The following NRXN3 variants were observed in gnomAD, a reference collection of about 807,000 sequenced individuals.
NRXN3 encodes the protein neurexin III.
In NRXN3, 32 loss-of-function variants were observed where a neutral mutation model predicts 137.6. The ratio of observed to expected loss-of-function variants is 0.23; its 90% confidence interval spans 0.18 to 0.31. NRXN3 has a LOEUF of 0.31. Among genes scored for constraint, NRXN3 ranks in the 10% least tolerant of loss-of-function variants. The pLI is 1.00. For missense variants in NRXN3, 1,574 were observed against 2,062.5 expected (o/e 0.76, Z 4.59); for synonymous variants, 798 against 784.5 (o/e 1.02, Z -0.29).
intron 10 of NRXN3, among the ~76,000 whole-genome samples, chr14:78,819,747 G>A (rs1337333130): frequency 6.6e-6 from 1 of 152,148 alleles, no homozygotes; most frequent in Non-Finnish European, 1.5e-5. Context: ...AAGAGCAAAA[G>A]TTAATTTGAG....
intron 8 of NRXN3, among the ~76,000 whole-genome samples, chr14:78,747,448 AAAG>A (rs1391004809): frequency 6.6e-6 from 1 of 152,228 alleles, no homozygotes; most frequent in Non-Finnish European, 1.5e-5. Context: ...GTAAATAGTG[AAAG>A]AAGAGTGAGG....
chr14:79,470,551 CTG>C (rs2096486677), intron 16 of NRXN3, among the ~76,000 whole-genome samples: 1 of 152,168 alleles, frequency 6.6e-6, no homozygotes, highest in East Asian at 1.9e-4. Flanking sequence ...CCTCCCAACA[CTG>C]TGGCATCGGT....
chr14:78,349,725 A>G (rs1253806173), intron 4 of NRXN3, among the ~76,000 whole-genome samples: 2 of 152,200 alleles, frequency 1.3e-5, no homozygotes, highest in Non-Finnish European at 2.9e-5. Flanking sequence ...CAAGTGCTTC[A>G]TAGACACTCA....
chr14:78,204,180 G>A (rs2061965307), intron 1 of NRXN3, among the ~76,000 whole-genome samples: 1 of 151,938 alleles, frequency 6.6e-6, no homozygotes, highest in Non-Finnish European at 1.5e-5. Context: ...CAGAGTATAA[G>A]AATTAACATT....
intron 15 of NRXN3, among the ~76,000 whole-genome samples, chr14:79,429,106 G>C (rs1275246509): frequency 3.3e-5 from 5 of 152,100 alleles, no homozygotes; most frequent in African/African-American, 9.7e-5. Context: ...ACGCAACCTA[G>C]TTAGAGGTGA....
chr14:79,469,715 A>T (rs1338749254), intron 16 of NRXN3, among the ~76,000 whole-genome samples: 2 of 152,176 alleles, frequency 1.3e-5, no homozygotes, highest in Non-Finnish European at 2.9e-5. Flanking sequence ...TTCAGAAAAA[A>T]GGAAAAAAGG....
intron 15 of NRXN3, among the ~76,000 whole-genome samples, chr14:79,185,971 T>C (rs1367085439): frequency 6.6e-6 from 1 of 152,200 alleles, no homozygotes; most frequent in African/African-American, 2.4e-5. Context: ...GGAGTCAAAC[T>C]GTCTGGGTTG....
chr14:78,817,175 A>G (rs1467185043), intron 10 of NRXN3, among the ~76,000 whole-genome samples: 1 of 152,226 alleles, frequency 6.6e-6, no homozygotes, highest in African/African-American at 2.4e-5. Context: ...CTGGAGCCAA[A>G]TAGCCTGGGT....
chr14:78,604,931 C>T (rs111693512), intron 4 of NRXN3, among the ~76,000 whole-genome samples: 1,590 of 152,212 alleles, frequency 0.01, 32 homozygotes, highest in African/African-American at 0.036. Flanking sequence ...AGACTAAATA[C>T]GGAGTCCTAA....
At chr14:78,468,332 C>T (rs1364543455) in intron 4 of NRXN3, among the ~76,000 whole-genome samples, 6 of 152,144 alleles carry the variant, frequency 3.9e-5, no homozygotes, top group Non-Finnish European at 2.9e-5. Flanking sequence ...GGCTGTCTCT[C>T]ATCTTTGGTC....
chr14:79,280,272 A>G (rs373480453), intron 15 of NRXN3: 46 of 1,613,452 alleles, frequency 2.9e-5, no homozygotes, highest in Non-Finnish European at 3.8e-5. Context: ...GCCCATCTGT[A>G]GTGGTCCCGT....
chr14:78,910,351 A>G (rs1013867051), intron 10 of NRXN3, among the ~76,000 whole-genome samples: 2 of 152,116 alleles, frequency 1.3e-5, no homozygotes, highest in Admixed American at 6.6e-5. Flanking sequence ...AGTGGTGGCT[A>G]TCTTGGAGGG....
At chr14:79,243,852 T>C (rs951115871) in intron 15 of NRXN3, among the ~76,000 whole-genome samples, 37 of 152,134 alleles carry the variant, frequency 2.4e-4, no homozygotes, top group African/African-American at 7.5e-4. Context: ...CATTATGTAG[T>C]ACATGGCTAT....
chr14:78,527,062 T>C (rs1022929927), intron 4 of NRXN3, among the ~76,000 whole-genome samples: 5 of 152,198 alleles, frequency 3.3e-5, no homozygotes, highest in Non-Finnish European at 7.3e-5. Context: ...TTCCAGAGTT[T>C]GAGTAAAGGC....
intron 15 of NRXN3, among the ~76,000 whole-genome samples, chr14:79,433,756 A>G (rs752498564): frequency 4.6e-5 from 7 of 152,200 alleles, no homozygotes; most frequent in African/African-American, 9.7e-5. Flanking sequence ...AACACTTGCC[A>G]TTTTTTATTC....
At chr14:78,947,527 C>T (rs1444958601) in intron 10 of NRXN3, among the ~76,000 whole-genome samples, 2 of 152,336 alleles carry the variant, frequency 1.3e-5, no homozygotes, top group East Asian at 3.9e-4. Flanking sequence ...CACTTAGCTT[C>T]TTACTTGAAT....
intron 15 of NRXN3, among the ~76,000 whole-genome samples, chr14:79,177,099 A>G (rs1056386980): frequency 1.3e-5 from 2 of 152,232 alleles, no homozygotes; most frequent in African/African-American, 4.8e-5. Flanking sequence ...AGGATGACTT[A>G]TCTATAATTT....
intron 15 of NRXN3, among the ~76,000 whole-genome samples, chr14:79,313,790 C>T (rs1451266209): frequency 1.2e-5 from 1 of 85,376 alleles, no homozygotes; most frequent in Non-Finnish European, 2.3e-5. Context: ...GCTCCATCAG[C>T]TCCTTTAAGC....
intron 17 of NRXN3, among the ~76,000 whole-genome samples, chr14:79,667,750 A>G (rs1378945168): frequency 1.3e-5 from 2 of 152,014 alleles, no homozygotes; most frequent in Non-Finnish European, 2.9e-5. Flanking sequence ...TGTTCCTTAT[A>G]AAGTCTCTGA....
Sources: gnomAD v4.1 joint callset for allele counts (sites outside exome capture counted in the v4.1 genomes callset) on GRCh38, gnomAD v4.1.1 for gene constraint, MANE v1.5 for transcripts, NCBI Gene and HGNC (gene_info 2026-07-23, HGNC 2026-07-21) for gene names.